SYNPR: variants seen among roughly 807,000 people sequenced by gnomAD.
SYNPR encodes synaptoporin.
A neutral mutation model predicts 32.9 loss-of-function variants in SYNPR; 23 were observed. The observed-to-expected ratio is 0.70, with a 90% CI of 0.50 to 0.99. The LOEUF is 0.99. Ranked by LOEUF, SYNPR falls within the 50% of genes least tolerant of loss-of-function variation. The pLI is 0.00. For synonymous variants in SYNPR, 146 were observed against 135.9 expected, an observed-to-expected ratio of 1.07 and a Z score of -0.52; for missense variants, 318 against 349.3, an observed-to-expected ratio of 0.91 and a Z score of 0.71.
chr3:63,304,155 C>A (rs1041582300), intron 2 of SYNPR, among the ~76,000 whole-genome samples: 3 of 151,948 alleles, frequency 2.0e-5, no homozygotes, highest in Admixed American at 2.0e-4. Context: ...AAAAAAGCAA[C>A]AGCTGGGTTA....
intron 2 of SYNPR, among the ~76,000 whole-genome samples, chr3:63,468,691 C>T (rs866209079): frequency 7.9e-5 from 12 of 152,108 alleles, no homozygotes; most frequent in Admixed American, 3.3e-4. Flanking sequence ...ATCCCAGCTA[C>T]TTGGGAGGCT....
At chr3:63,543,472 T>C (rs1702343338) in intron 3 of SYNPR, among the ~76,000 whole-genome samples, 5 of 152,166 alleles carry the variant, frequency 3.3e-5, no homozygotes, top group Admixed American at 2.6e-4. Flanking sequence ...AGGAAAATTA[T>C]CAGTAGAAGA....
chr3:63,395,823 T>C (rs1284798859), intron 2 of SYNPR, among the ~76,000 whole-genome samples: 2 of 152,208 alleles, frequency 1.3e-5, no homozygotes, highest in Admixed American at 6.5e-5. Context: ...CTTTTTTTTT[T>C]CTCATCTGGT....
intron 2 of SYNPR, among the ~76,000 whole-genome samples, chr3:63,436,822 C>T (rs9864883): frequency 0.022 from 3,355 of 151,944 alleles, 100 homozygotes; most frequent in African/African-American, 0.069. Context: ...CCCTGATATT[C>T]CAGCGGGGGA....
chr3:63,259,718 G>A (rs947142295), intron 2 of SYNPR, among the ~76,000 whole-genome samples: 4 of 152,136 alleles, frequency 2.6e-5, no homozygotes, highest in Admixed American at 6.5e-5. Context: ...TGGAAGTTCT[G>A]GCCAGGGCAA....
intron 4 of SYNPR, among the ~76,000 whole-genome samples, chr3:63,604,980 T>C (rs1003229903): frequency 2.0e-5 from 3 of 152,260 alleles, no homozygotes; most frequent in Non-Finnish European, 4.4e-5. Flanking sequence ...AATATATTTT[T>C]TAACAAAATT....
intron 4 of SYNPR, among the ~76,000 whole-genome samples, chr3:63,601,434 C>A (rs201579261): frequency 6.6e-6 from 1 of 151,886 alleles, no homozygotes; most frequent in Non-Finnish European, 1.5e-5. Flanking sequence ...CTTGGTGTAC[C>A]AATTATTTCG....
intron 2 of SYNPR, among the ~76,000 whole-genome samples, chr3:63,280,470 G>C (rs957581357): frequency 6.6e-6 from 1 of 151,326 alleles, no homozygotes; most frequent in African/African-American, 2.4e-5. Flanking sequence ...CAGTGCCCTT[G>C]CTATTTCTAT....
At chr3:63,294,750 G>C (rs1160769585) in intron 2 of SYNPR, among the ~76,000 whole-genome samples, 5 of 152,040 alleles carry the variant, frequency 3.3e-5, no homozygotes, top group Non-Finnish European at 7.4e-5. Flanking sequence ...TATAACATAA[G>C]TTTGCCATTT....
intron 4 of SYNPR, among the ~76,000 whole-genome samples, chr3:63,592,380 T>C (rs1699850119): frequency 6.6e-6 from 1 of 151,976 alleles, no homozygotes; most frequent in South Asian, 2.1e-4. Context: ...AATATTTAAA[T>C]TACCAGAATA....
At chr3:63,242,357 G>C (rs1404998502) in intron 1 of SYNPR, among the ~76,000 whole-genome samples, 2 of 152,000 alleles carry the variant, frequency 1.3e-5, no homozygotes, top group African/African-American at 4.8e-5. Context: ...CTAGAGCTGA[G>C]ATACTTGCAA....
the SYNPR span, among the ~76,000 whole-genome samples, chr3:63,208,347 G>A: frequency 2.0e-5 from 3 of 152,222 alleles, no homozygotes; most frequent in African/African-American, 4.8e-5. Flanking sequence ...GGAAAGATGT[G>A]GGCTTCTGCT....
At chr3:63,501,207 G>C (rs1701470706) in intron 3 of SYNPR, among the ~76,000 whole-genome samples, 1 of 152,130 alleles carries the variant, frequency 6.6e-6, no homozygotes, top group Non-Finnish European at 1.5e-5. Flanking sequence ...GGCTGGGAGT[G>C]GTGGCTCACG....
chr3:63,387,720 G>A (rs947996851), intron 2 of SYNPR, among the ~76,000 whole-genome samples: 1 of 152,114 alleles, frequency 6.6e-6, no homozygotes, highest in Non-Finnish European at 1.5e-5. Flanking sequence ...AATAAGTGAG[G>A]GAAATAGCAA....
intron 2 of SYNPR, among the ~76,000 whole-genome samples, chr3:63,452,558 A>G (rs1004586602): frequency 1.3e-5 from 2 of 152,326 alleles, no homozygotes; most frequent in East Asian, 1.9e-4. Context: ...AAGAGTTTGC[A>G]TAGATGACAT....
At chr3:63,346,093 G>A (rs2087433525) in intron 2 of SYNPR, among the ~76,000 whole-genome samples, 1 of 152,122 alleles carries the variant, frequency 6.6e-6, no homozygotes, top group Non-Finnish European at 1.5e-5. Flanking sequence ...AGGATTACAG[G>A]TGTGAGCCAC....
intron 1 of SYNPR, among the ~76,000 whole-genome samples, chr3:63,236,736 A>T (rs1413550650): frequency 6.6e-6 from 1 of 152,116 alleles, no homozygotes; most frequent in Non-Finnish European, 1.5e-5. Context: ...TGTTATACTC[A>T]CTTTCCAGTT....
chr3:63,518,874 C>T (rs947648782), intron 3 of SYNPR, among the ~76,000 whole-genome samples: 22 of 152,080 alleles, frequency 1.4e-4, no homozygotes, highest in Admixed American at 5.9e-4. Context: ...GACACATGCA[C>T]GCATATGTTC....
intron 3 of SYNPR, among the ~76,000 whole-genome samples, chr3:63,551,598 A>T (rs944734788): frequency 1.3e-5 from 2 of 152,166 alleles, no homozygotes; most frequent in Non-Finnish European, 2.9e-5. Context: ...TTCCAATCTT[A>T]TACTCTTTCT....
Sources: gnomAD v4.1 joint callset for allele counts (sites outside exome capture counted in the v4.1 genomes callset) on GRCh38, gnomAD v4.1.1 for gene constraint, MANE v1.5 for transcripts, NCBI Gene and HGNC (gene_info 2026-07-23, HGNC 2026-07-21) for gene names.